TMEM25: variants seen among roughly 807,000 people sequenced by gnomAD.
TMEM25 encodes the protein transmembrane protein 25, also known as 0610039J01Rik.
TMEM25 carries 36 observed loss-of-function variants against 37.0 expected under a neutral mutation model. The ratio of observed to expected loss-of-function variants is 0.97; its 90% CI spans 0.75 to 1.28. TMEM25 has a LOEUF of 1.28. TMEM25 is among the 50% of genes most tolerant of loss of function. The pLI is 0.00. For synonymous variants in TMEM25, 197 were observed against 203.7 expected, an observed-to-expected ratio of 0.97 and a Z score of 0.28; for missense variants, 444 against 477.9, an observed-to-expected ratio of 0.93 and a Z score of 0.66.
chr11:118,535,607 A>G lies in TMEM25; in HGVS notation c.*1027A>G. 1.3e-6 allele frequency: 2 copies of G among 1,530,226 alleles called. No individual in the cohort carries two copies. Among genetic ancestry groups the G allele is most frequent in the Non-Finnish European group, 1.7e-6 (2 of 1,145,046 alleles). The allele number at this position is 1,530,226 out of a possible 1,614,324, so 94.8% of individuals were successfully genotyped here. A position where few individuals can be genotyped will look rare whatever the true frequency, so the allele number is the denominator to read the frequency against. ...GGAGGATGGTCGCCACAGGCACATAATTCAACAGTGTGGAAGCTTTAGGGG... is the reference window on the plus strand; with the variant it reads ...GGAGGATGGTCGCCACAGGCACATAGTTCAACAGTGTGGAAGCTTTAGGGG... On this transcript the variant is annotated 3_prime_UTR_variant, in exon 9 of 9. Coordinates refer to ENST00000313236, the MANE Select transcript of TMEM25 (RefSeq NM_032780.4).
In TMEM25 at chr11:118,534,687, C is replaced by T; in HGVS notation, c.*107C>T. On this transcript the variant is annotated 3_prime_UTR_variant, in exon 9 of 9. Transcript: ENST00000313236. The surrounding 1 kb of genome is among the most constrained non-coding windows in gnomAD (Gnocchi z 4.6). The stretch of plus-strand genomic sequence containing the variant: ...CCAACGTGAAGAAGTTATGCCACTG[C>T]CACTTTTGCTTGCCCTCCTGGCTGG... 1 of 1,526,332 alleles carries T rather than the reference C, an allele frequency of 6.6e-7. No homozygotes were observed. The highest frequency in any genetic ancestry group is 8.8e-7 in the Non-Finnish European group (1 of 1,135,192). The allele number at this position is 1,526,332 out of a possible 1,614,324, so 94.5% of individuals were successfully genotyped here. A position where few individuals can be genotyped will look rare whatever the true frequency, so the allele number is the denominator to read the frequency against.
chr11:118,537,754 T>G (rs1951529534), downstream of TMEM25, among the ~76,000 whole-genome samples: 1 of 152,076 alleles, frequency 6.6e-6, no homozygotes, highest in Admixed American at 6.6e-5. Context: ...TATTTTTAGT[T>G]TCTGAGAAAT....
chr11:118,534,772 G>A lies in TMEM25; in HGVS notation c.*192G>A. ...CTGGGCTGTAACCCGCAGGGGCACA[G>A]GTATCTTTGGCAAGGCTACCAGTTG... On this transcript the variant is annotated 3_prime_UTR_variant, in exon 9 of 9. Coordinates refer to ENST00000313236, the MANE Select transcript of TMEM25 (RefSeq NM_032780.4). This position sits in a 1 kb window ranked among gnomAD's most constrained non-coding sequence, Gnocchi z 4.6. 7.1e-7 allele frequency: 1 copy of A among 1,417,076 alleles called. No individual in the cohort carries two copies. Among genetic ancestry groups the A allele is most frequent in the Non-Finnish European group, 9.2e-7 (1 of 1,086,344 alleles). 87.8% of individuals were successfully genotyped at this position (1,417,076 alleles called of 1,614,324 possible). A position where few individuals can be genotyped will look rare whatever the true frequency, so the allele number is the denominator to read the frequency against.
At chr11:118,531,678 G>C (rs1351585645) in intron 1 of TMEM25, 97 bp from the exon 2 acceptor site, 1 of 994,728 alleles carries the variant, frequency 1.0e-6, no homozygotes, top group African/African-American at 1.6e-5. Context: ...TTGCGTTTCC[G>C]TACATGGTTC....
chr11:118,545,677 G>T (rs906806789), intron 8 of TMEM25: 2 of 1,241,576 alleles, frequency 1.6e-6, no homozygotes, highest in Admixed American at 3.4e-5. Context: ...AGCACAACGG[G>T]CTTAAAGTGA....
At chr11:118,545,061 C>A (rs782792449) in intron 8 of TMEM25, 19 of 1,247,648 alleles carry the variant, frequency 1.5e-5, no homozygotes, top group Non-Finnish European at 2.2e-5. Flanking sequence ...ATGCTAATTG[C>A]TATATTTTAA....
chr11:118,544,196 G>C (rs952187234), intron 8 of TMEM25, among the ~76,000 whole-genome samples: 1 of 152,124 alleles, frequency 6.6e-6, no homozygotes, highest in African/African-American at 2.4e-5. Flanking sequence ...TACTGAATCT[G>C]TCCATCTCTA....
downstream of TMEM25, chr11:118,546,562 G>T: frequency 5.2e-6 from 1 of 192,552 alleles, no homozygotes; most frequent in East Asian, 1.3e-4. Flanking sequence ...TGGACTACTA[G>T]CCTCCAGAAC....
Position 118,531,755 on chromosome 11 carries a change from G to A in TMEM25, c.-27-20G>A. On this transcript the variant is annotated intron_variant, in intron 1 of 8. Coordinates refer to ENST00000313236, the MANE Select transcript of TMEM25 (RefSeq NM_032780.4). ...CCTGCCTGCTGTCACCTGGCTGACAGGCCCGCCCCCTTCTCTCAGCAGCCT... is the reference window on the plus strand; with the variant it reads ...CCTGCCTGCTGTCACCTGGCTGACAAGCCCGCCCCCTTCTCTCAGCAGCCT... 6.6e-7 allele frequency: 1 copy of A among 1,519,650 alleles called. No homozygotes were observed. The highest frequency in any genetic ancestry group is 1.2e-5 in the South Asian group (1 of 82,448). The allele number at this position is 1,519,650 out of a possible 1,614,324, so 94.1% of individuals were successfully genotyped here. A position where few individuals can be genotyped will look rare whatever the true frequency, so the allele number is the denominator to read the frequency against.
chr11:118,533,818 G>T (rs1196049414), intron 5 of TMEM25, 39 bp from the exon 6 acceptor site: 3 of 1,613,506 alleles, frequency 1.9e-6, no homozygotes, highest in African/African-American at 2.7e-5. Context: ...GCGTGGGAGG[G>T]CACACTGAGA....
chr11:118,544,972 G>A (rs1951640352), intron 8 of TMEM25: 8 of 1,613,664 alleles, frequency 5.0e-6, no homozygotes, highest in Non-Finnish European at 6.8e-6. Flanking sequence ...TTGGATGAAG[G>A]AGTGAATGCT....
Position 118,535,459 on chromosome 11 carries a change from A to T in TMEM25, c.*879A>T. 2 of 1,495,142 alleles carry T rather than the reference A, an allele frequency of 1.3e-6. No individual in the cohort carries two copies. The highest frequency in any genetic ancestry group is 8.9e-7 in the Non-Finnish European group (1 of 1,121,322). 92.6% of individuals were successfully genotyped at this position (1,495,142 alleles called of 1,614,324 possible). On this transcript the variant is annotated 3_prime_UTR_variant, in exon 9 of 9. Coordinates refer to ENST00000313236, the MANE Select transcript of TMEM25 (RefSeq NM_032780.4). Reference sequence around the variant, plus strand: ...GCTTCCCCACGTTTGGCCTTCTGGGATTCACTGTGAGTGTCCTGAGCTCTC... The same window carrying T: ...GCTTCCCCACGTTTGGCCTTCTGGGTTTCACTGTGAGTGTCCTGAGCTCTC...
chr11:118,538,718 C>A (rs1371299479), downstream of TMEM25, among the ~76,000 whole-genome samples: 3 of 151,880 alleles, frequency 2.0e-5, no homozygotes, highest in African/African-American at 7.3e-5. Context: ...CATGGCAAAA[C>A]CCCATCTCTA....
chr11:118,532,920 A>T lies in TMEM25; in HGVS notation c.386A>T (p.Lys129Met). 6.2e-7 allele frequency: 1 copy of T among 1,612,738 alleles called. No homozygotes were observed. Among genetic ancestry groups the T allele is most frequent in the Non-Finnish European group, 8.5e-7 (1 of 1,179,134 alleles). Residue 129 changes from lysine to methionine, a missense_variant, in exon 4 of 9, where the codon AAG becomes ATG. Coordinates refer to ENST00000313236, the MANE Select transcript of TMEM25 (RefSeq NM_032780.4). ...NASVILNVQFKPEIAQVGAKY... is the reference protein window; with the variant it reads ...NASVILNVQFMPEIAQVGAKY... ...ATTGGCCTCTGCTTTGTACCAGTCAAGCCAGAGATTGCCCAAGTCGGCGCC... is the reference window on the plus strand; with the variant it reads ...ATTGGCCTCTGCTTTGTACCAGTCATGCCAGAGATTGCCCAAGTCGGCGCC...
intron 5 of TMEM25, 33 bp from the exon 6 acceptor site, chr11:118,533,824 T>G (rs782304955): frequency 1.7e-4 from 270 of 1,612,762 alleles, no homozygotes; most frequent in Middle Eastern, 5.1e-4. Context: ...GAGGGCACAC[T>G]GAGAATTAGG....
At position 118,534,800 on chromosome 11, in the gene TMEM25, C is replaced by T. The variant is rs1379411937; in HGVS notation, c.*220C>T. On this transcript the variant is annotated 3_prime_UTR_variant, in exon 9 of 9. Transcript: ENST00000313236. The surrounding 1 kb of genome is among the most constrained non-coding windows in gnomAD (Gnocchi z 4.6). ...ATCTTTGGCAAGGCTACCAGTTGGA[C>T]GTAAGCCCCTCATGCTGACTCAGGG... 7.9e-6 allele frequency: 11 copies of T among 1,396,410 alleles called. No homozygotes were observed. Among genetic ancestry groups the T allele is most frequent in the Admixed American group, 2.9e-5 (1 of 34,058 alleles). The allele number at this position is 1,396,410 out of a possible 1,614,324, so 86.5% of individuals were successfully genotyped here.
rs782667435 is a variant in TMEM25 at position 118,533,015 on chromosome 11, G to T, written c.481G>T (p.Ala161Ser). The change falls in exon 4 of 9, where the codon GCC becomes TCC. Residue 161 changes from alanine (A) to serine (S), a missense_variant. Coordinates refer to ENST00000313236, the MANE Select transcript of TMEM25 (RefSeq NM_032780.4). ...TGCCCTGGTGCGTGCCAACCCGCCGGCCAATGTCACCTGGATCGACCAGGA... is the reference window on the plus strand; with the variant it reads ...TGCCCTGGTGCGTGCCAACCCGCCGTCCAATGTCACCTGGATCGACCAGGA... ...LFALVRANPP[A>S]NVTWIDQDGP... 7 of 1,614,230 alleles carry T rather than the reference G, an allele frequency of 4.3e-6. No homozygotes were observed. The highest frequency in any genetic ancestry group is 5.9e-6 in the Non-Finnish European group (7 of 1,180,044).
chr11:118,531,719 C>A, intron 1 of TMEM25, 56 bp from the exon 2 acceptor site: 1 of 1,260,944 alleles, frequency 7.9e-7, no homozygotes, highest in Non-Finnish European at 1.1e-6. Flanking sequence ...ATTCCTGGAG[C>A]AATTGCTAGG....
rs575327396 is a variant in TMEM25, at chr11:118,541,966, G to A, written c.1028-4153G>A. ...GAGACGTGGTTTCACTTCGTTCCCC[G>A]GCTGGTCTCAAACGTTTGGGCTCAA... On this transcript the variant is annotated intron_variant, in intron 8 of 8. Transcript: ENST00000354284. Among the ~76,000 whole-genome samples the A allele has an allele frequency of 1.6e-3, 247 of 152,160 alleles. 1 individual carries two copies. Among genetic ancestry groups the A allele is most frequent in the African/African-American group, 5.8e-3 (242 of 41,510 alleles).
Sources: gnomAD v4.1 joint callset for allele counts (sites outside exome capture counted in the v4.1 genomes callset) on GRCh38, gnomAD v4.1.1 for gene constraint, Gnocchi (gnomAD v3.1) non-coding constraint, MANE v1.5 for transcripts, NCBI Gene and HGNC (gene_info 2026-07-23, HGNC 2026-07-21) for gene names.